The following RAG1 variants were observed in gnomAD, a reference collection of about 807,000 sequenced individuals.
RAG1 encodes the protein V(D)J recombination-activating protein 1.
In RAG1, 35 loss-of-function variants were observed where a neutral mutation model predicts 62.7. The observed-to-expected ratio is 0.56, with a 90% CI of 0.43 to 0.74. The LOEUF (loss-of-function observed/expected upper bound fraction) is 0.74, where lower values mean the gene tolerates loss of function less well. Among genes scored for constraint, RAG1 ranks in the 30% least tolerant of loss-of-function variants. RAG1 has a pLI of 0.00. For missense variants in RAG1, 1,169 were observed against 1,278.6 expected, an observed-to-expected ratio of 0.91 and a Z score of 1.31; for synonymous variants, 461 against 470.3, an observed-to-expected ratio of 0.98 and a Z score of 0.26.
chr11:36,567,408 C>T (rs2133286516), upstream of RAG1: 1 of 152,200 alleles, frequency 6.6e-6, no homozygotes, highest in Non-Finnish European at 1.5e-5. Context: ...AATCAAAGGC[C>T]TGAGTCAAGA....
upstream of RAG1, chr11:36,566,375 G>A (rs1028995023): frequency 6.6e-6 from 1 of 152,204 alleles, no homozygotes; most frequent in Non-Finnish European, 1.5e-5. Flanking sequence ...CTACAGAACT[G>A]AAGCCTGATC....
At chr11:36,539,375 C>T (rs1271203698), downstream of RAG1, among the ~76,000 whole-genome samples, 2 of 152,210 alleles carry the variant, frequency 1.3e-5, no homozygotes, top group Admixed American at 1.3e-4. Context: ...GCCATCCAGT[C>T]TGTGGTGTTT....
At chr11:36,572,555 C>G (rs528593990) in intron 1 of RAG1, among the ~76,000 whole-genome samples, 2 of 152,320 alleles carry the variant, frequency 1.3e-5, no homozygotes, top group South Asian at 4.1e-4. Context: ...CCCTTAGAAT[C>G]TCAGTCTATG....
intron 2 of RAG1, among the ~76,000 whole-genome samples, chr11:36,524,327 A>G (rs1860125434): frequency 7.4e-6 from 1 of 135,378 alleles, no homozygotes; most frequent in Non-Finnish European, 1.6e-5. Flanking sequence ...GTACCCTAGA[A>G]CTTAAAGTAT....
At position 36,574,274 on chromosome 11, in the gene RAG1, A is replaced by T. The variant is rs879137477; in HGVS notation, c.970A>T (p.Met324Leu). 1 of 1,614,052 alleles carries T rather than the reference A, an allele frequency of 6.2e-7. No homozygotes were observed. The highest frequency in any genetic ancestry group is 1.1e-5 in the South Asian group (1 of 91,084). The change falls in exon 2 of 2, where the codon ATG becomes TTG. Residue 324 changes from methionine to leucine, a missense_variant. Met to Leu is a conservative substitution (Grantham distance 15, BLOSUM62 2). Transcript: ENST00000299440. ...CTGCATTCTCAGATGCCTCAAAGTC[A>T]TGGGCAGCTATTGTCCCTCTTGCCG... The part of the protein sequence containing the change: ...RVCILRCLKV[M>L]GSYCPSCRYP...
chr11:36,557,612 T>C (rs1490629639), intron 3 of RAG1, among the ~76,000 whole-genome samples: 4 of 152,168 alleles, frequency 2.6e-5, no homozygotes, highest in Non-Finnish European at 4.4e-5. Context: ...GAGCTGTTCC[T>C]ATTCGGCCAT....
intron 3 of RAG1, among the ~76,000 whole-genome samples, chr11:36,549,759 A>C (rs943853379): frequency 6.6e-6 from 1 of 152,216 alleles, no homozygotes; most frequent in East Asian, 1.9e-4. Flanking sequence ...CAATCTCATT[A>C]CTGAGTATAT....
Position 36,550,988 on chromosome 11 carries a change from G to A in RAG1, c.-411-12397G>A, listed in dbSNP as rs546833787. Among the ~76,000 whole-genome samples the A allele has an allele frequency of 2.8e-4, 42 of 152,214 alleles. 1 individual carries two copies. Among genetic ancestry groups the A allele is most frequent in the Non-Finnish European group, 4.9e-4 (33 of 67,998 alleles). On this transcript the variant is annotated intron_variant and NMD_transcript_variant, in intron 3 of 9. Coordinates refer to the RAG1 transcript ENST00000534663. ...GCAGGGCCAGATGACTGATAGCAAC[G>A]TCAGATTTACTATGAAAGAGGAGGT...
chr11:36,531,459 T>C (rs984425560), intron 2 of RAG1, among the ~76,000 whole-genome samples: 1 of 151,952 alleles, frequency 6.6e-6, no homozygotes, highest in African/African-American at 2.4e-5. Context: ...ATGTTTTATA[T>C]AGTGGTATGT....
intron 2 of RAG1, among the ~76,000 whole-genome samples, chr11:36,523,337 G>A (rs1860110529): frequency 6.6e-6 from 1 of 152,142 alleles, no homozygotes; most frequent in East Asian, 1.9e-4. Context: ...AAAAATGGGA[G>A]TTTCCCTGCA....
chr11:36,531,406 T>G (rs1161130956), intron 2 of RAG1, among the ~76,000 whole-genome samples: 1 of 151,926 alleles, frequency 6.6e-6, no homozygotes, highest in Admixed American at 6.6e-5. Context: ...TCTGTTTTCT[T>G]TTTTCTGTGA....
At chr11:36,517,865 T>A (rs563359750) in intron 1 of RAG1, among the ~76,000 whole-genome samples, 68 of 152,198 alleles carry the variant, frequency 4.5e-4, no homozygotes, top group African/African-American at 1.6e-3. Flanking sequence ...TACTTTAAGT[T>A]TTAGGGTACA....
intron 2 of RAG1, chr11:36,535,907 T>C (rs1190467517): frequency 6.6e-6 from 1 of 152,168 alleles, no homozygotes; most frequent in East Asian, 1.9e-4. Context: ...AAATAATTAT[T>C]GTTAGCTCAT....
chr11:36,550,420 C>T (rs1442434910), intron 3 of RAG1, among the ~76,000 whole-genome samples: 1 of 152,024 alleles, frequency 6.6e-6, no homozygotes, highest in African/African-American at 2.4e-5. Context: ...AAATTCCAAA[C>T]ATACCATGGA....
chr11:36,558,713 TG>T, intron 3 of RAG1, among the ~76,000 whole-genome samples: 1 of 152,332 alleles, frequency 6.6e-6, no homozygotes, highest in East Asian at 1.9e-4. Flanking sequence ...TGTTTGTTTT[TG>T]TCCATTCAAC....
chr11:36,536,610 A>G (rs1220858649), downstream of RAG1, among the ~76,000 whole-genome samples: 1 of 124,778 alleles, frequency 8.0e-6, no homozygotes, highest in Non-Finnish European at 1.7e-5. Flanking sequence ...TGTGTAATAT[A>G]CTTCAAAGTT....
chr11:36,557,672 C>T (rs1023103942), intron 3 of RAG1, among the ~76,000 whole-genome samples: 2 of 149,650 alleles, frequency 1.3e-5, no homozygotes, highest in Admixed American at 1.3e-4. Context: ...CAAATGCAGT[C>T]ACATTCTGAG....
downstream of RAG1, among the ~76,000 whole-genome samples, chr11:36,538,522 G>A (rs116585729): frequency 0.043 from 6,529 of 152,238 alleles, 436 homozygotes; most frequent in African/African-American, 0.15. Context: ...CACTTTGCAG[G>A]TTCCTTTTAG....
rs568869962 is a variant in RAG1 at position 36,527,441 on chromosome 11, A to G, written n.428+7212A>G. Among the ~76,000 whole-genome samples, 6 of 152,082 alleles carry G rather than the reference A, an allele frequency of 3.9e-5. No homozygotes were observed. The South Asian group carries it at 8.3e-4, about 21-fold the overall frequency. ...GGCCTCTGTTCTGTTCCATTGGTCT[A>G]TATCTCTGTTTTGGTACCACTACCA... On this transcript the variant is annotated intron_variant and non_coding_transcript_variant, in intron 2 of 2. Coordinates refer to the RAG1 transcript ENST00000529126.
Sources: gnomAD v4.1 joint callset for allele counts (sites outside exome capture counted in the v4.1 genomes callset) on GRCh38, gnomAD v4.1.1 for gene constraint, MANE v1.5 for transcripts, NCBI Gene and HGNC (gene_info 2026-07-23, HGNC 2026-07-21) for gene names.